The following LRRC4C variants were observed in gnomAD, a reference collection of about 807,000 sequenced individuals.
The protein encoded by LRRC4C is leucine-rich repeat-containing protein 4C.
LRRC4C carries 5 observed loss-of-function variants against 33.6 expected under a neutral mutation model. The ratio of observed to expected loss-of-function variants is 0.15; its 90% confidence interval spans 0.08 to 0.31. The LOEUF (loss-of-function observed/expected upper bound fraction) is 0.31. Ranked by LOEUF, LRRC4C falls within the 10% of genes least tolerant of loss-of-function variation. The pLI, the probability that LRRC4C is intolerant of heterozygous loss-of-function variation, is 1.00. For missense variants in LRRC4C, 560 were observed against 796.7 expected, an observed-to-expected ratio of 0.70 and a Z score of 3.58; for synonymous variants, 329 against 302.0, an observed-to-expected ratio of 1.09 and a Z score of -0.93.
intron 2 of LRRC4C, among the ~76,000 whole-genome samples, chr11:40,786,090 A>G (rs1211456302): frequency 6.6e-6 from 1 of 152,214 alleles, no homozygotes. Context: ...GAACGATGAA[A>G]GACAAAGTTA....
chr11:41,335,809 G>A (rs1237715130), intron 1 of LRRC4C, among the ~76,000 whole-genome samples: 2 of 152,076 alleles, frequency 1.3e-5, no homozygotes, highest in Non-Finnish European at 2.9e-5. Context: ...TCTTCTCCAA[G>A]CTTCTTTTTG....
intron 3 of LRRC4C, among the ~76,000 whole-genome samples, chr11:40,423,175 ATTGTT>A (rs560543811): frequency 1.3e-5 from 2 of 152,012 alleles, no homozygotes; most frequent in African/African-American, 2.4e-5. Context: ...CATTTAACTT[ATTGTT>A]TTATTTCTAG....
At chr11:40,636,049 G>C (rs574369230) in intron 3 of LRRC4C, among the ~76,000 whole-genome samples, 9 of 152,274 alleles carry the variant, frequency 5.9e-5, no homozygotes, top group Admixed American at 5.9e-4. Context: ...CTCATGCCCA[G>C]TGTGCTCTGA....
intron 1 of LRRC4C, among the ~76,000 whole-genome samples, chr11:41,201,950 C>A (rs1330483534): frequency 6.6e-6 from 1 of 150,526 alleles, no homozygotes; most frequent in Non-Finnish European, 1.5e-5. Context: ...ACACACAAGT[C>A]CAGCAAATGC....
At chr11:40,134,196 A>G (rs985109398) in intron 6 of LRRC4C, among the ~76,000 whole-genome samples, 1 of 152,122 alleles carries the variant, frequency 6.6e-6, no homozygotes, top group Non-Finnish European at 1.5e-5. Flanking sequence ...ATCTGAGCCC[A>G]GCCTGTGCAA....
In LRRC4C at chr11:40,683,349, G is replaced by A. The variant is rs539657672; in HGVS notation, c.-406-35071C>T. ...ATCAAACACTCCTATTATTTAGAAC[G>A]TATGTTCAAGTATTGAAATAGGGAC... is the stretch of plus-strand genomic sequence containing the variant. On this transcript the variant is annotated intron_variant, in intron 2 of 6. Transcript: ENST00000528697. Among the ~76,000 whole-genome samples the A allele has an allele frequency of 3.9e-5, 6 of 152,218 alleles. 1 individual carries two copies. The Middle Eastern group carries it at 0.01, about 261-fold the overall frequency.
chr11:40,590,194 T>A (rs796555310), intron 3 of LRRC4C, among the ~76,000 whole-genome samples: 1 of 151,658 alleles, frequency 6.6e-6, no homozygotes, highest in Non-Finnish European at 1.5e-5. Flanking sequence ...TTCTTTTTTC[T>A]CTAAACTTCC....
chr11:40,335,375 C>G (rs1247389731), intron 3 of LRRC4C, among the ~76,000 whole-genome samples: 2 of 152,308 alleles, frequency 1.3e-5, no homozygotes, highest in South Asian at 2.1e-4. Context: ...TAAGTCCTCT[C>G]TTATTGAGAT....
chr11:40,269,429 A>C (rs1217686437), intron 4 of LRRC4C, among the ~76,000 whole-genome samples: 1 of 152,152 alleles, frequency 6.6e-6, no homozygotes, highest in Non-Finnish European at 1.5e-5. Context: ...TCTATTTACT[A>C]TTATCCCATT....
In LRRC4C at chr11:40,115,107, G is replaced by A. The variant is rs970993511; in HGVS notation, c.1186C>T (p.His396Tyr). Residue 396 changes from histidine to tyrosine, a missense_variant, in exon 7 of 7, where the codon CAT (histidine) becomes TAT (tyrosine). His to Tyr is a moderately conservative substitution (Grantham distance 83). This residue lies in a region of LRRC4C where 455 missense variants were observed against 643.8 expected (regional missense o/e 0.71). Coordinates refer to ENST00000528697, the MANE Select transcript of LRRC4C (RefSeq NM_001258419.2). The surrounding 1 kb of genome is among the most constrained non-coding windows in gnomAD (Gnocchi z 6.7). ...GCTATCCGCACTTTGTACGCCCCAT[G>A]TGTCATGACTGTTCCATTTGGAGTA... ...WITPNGTVMT[H>Y]GAYKVRIAVL... is the part of the protein sequence containing the mutation. 1.9e-6 allele frequency: 3 copies of A among 1,614,092 alleles called. No individual in the cohort carries two copies. The African/African-American group carries it at 4.0e-5, about 22-fold the overall frequency.
At chr11:40,328,435 C>G (rs1946197135) in intron 3 of LRRC4C, among the ~76,000 whole-genome samples, 1 of 152,170 alleles carries the variant, frequency 6.6e-6, no homozygotes. Context: ...CAGTATAATA[C>G]TTCCACACAT....
intron 2 of LRRC4C, among the ~76,000 whole-genome samples, chr11:40,790,299 C>T (rs757060862): frequency 5.3e-5 from 8 of 152,162 alleles, no homozygotes; most frequent in Non-Finnish European, 1.2e-4. Context: ...TAGTTCTACA[C>T]AGACATTGGC....
At chr11:40,470,312 C>G (rs1952865820) in intron 3 of LRRC4C, among the ~76,000 whole-genome samples, 1 of 152,144 alleles carries the variant, frequency 6.6e-6, no homozygotes, top group South Asian at 2.1e-4. Flanking sequence ...AGAAGGAAAG[C>G]TAACAAACAG....
intron 3 of LRRC4C, among the ~76,000 whole-genome samples, chr11:40,546,060 T>C (rs1054085212): frequency 2.1e-4 from 8 of 38,634 alleles, no homozygotes; most frequent in African/African-American, 5.3e-4. Context: ...CTCCAAGTCT[T>C]CCTTCCTTCC....
chr11:41,407,359 T>G (rs1954283083), intron 1 of LRRC4C, among the ~76,000 whole-genome samples: 1 of 150,766 alleles, frequency 6.6e-6, no homozygotes, highest in Non-Finnish European at 1.5e-5. Context: ...TGGAGTGCAG[T>G]GTCATGATTA....
chr11:40,972,889 T>C (rs1319829355), intron 1 of LRRC4C, among the ~76,000 whole-genome samples: 1 of 152,122 alleles, frequency 6.6e-6, no homozygotes, highest in Non-Finnish European at 1.5e-5. Context: ...TCATGTCAAA[T>C]TGTAATCTTT....
At chr11:40,259,433 C>A (rs867220540) in intron 4 of LRRC4C, among the ~76,000 whole-genome samples, 32 of 152,092 alleles carry the variant, frequency 2.1e-4, no homozygotes, top group African/African-American at 5.5e-4. Flanking sequence ...CCATTTGTCA[C>A]TTTTGGCTTT....
intron 4 of LRRC4C, among the ~76,000 whole-genome samples, chr11:40,278,492 C>A (rs981657897): frequency 3.3e-5 from 5 of 152,110 alleles, no homozygotes; most frequent in Non-Finnish European, 7.4e-5. Context: ...GCTTTTGTTT[C>A]TTCATTTCCG....
intron 1 of LRRC4C, among the ~76,000 whole-genome samples, chr11:41,176,909 G>A (rs1397948995): frequency 2.6e-5 from 4 of 152,046 alleles, no homozygotes; most frequent in African/African-American, 4.8e-5. Context: ...AGGTTGCAGC[G>A]AGCTGAGATT....
Sources: gnomAD v4.1 joint callset for allele counts (sites outside exome capture counted in the v4.1 genomes callset) on GRCh38, gnomAD v4.1.1 for gene constraint, gnomAD v4.1.1 regional missense constraint, Gnocchi (gnomAD v3.1) non-coding constraint, MANE v1.5 for transcripts, NCBI Gene and HGNC (gene_info 2026-07-23, HGNC 2026-07-21) for gene names.